Variants in ANK2 observed in about 807,000 individuals in gnomAD.
ANK2 encodes the protein ankyrin 2.
Under a neutral mutation model 360.5 loss-of-function variants are expected in ANK2, and 83 were observed. That is an observed-to-expected ratio of 0.23 (90% CI 0.19 to 0.28). The LOEUF (loss-of-function observed/expected upper bound fraction) is 0.28. Ranked by LOEUF, ANK2 falls within the 10% of genes least tolerant of loss-of-function variation. The pLI, the probability that ANK2 is intolerant of heterozygous loss-of-function variation, is 1.00. For missense variants in ANK2, 4,201 were observed against 4,795.7 expected (o/e 0.88, Z 3.66); for synonymous variants, 1,740 against 1,759.5 (o/e 0.99, Z 0.28).
intron 1 of ANK2, among the ~76,000 whole-genome samples, chr4:113,076,185 G>A (rs1409749285): frequency 6.6e-6 from 1 of 152,192 alleles, no homozygotes; most frequent in African/African-American, 2.4e-5. Flanking sequence ...ATAGTAACAC[G>A]AACGATAGTT....
At chr4:113,091,291 G>A (rs79564531) in intron 1 of ANK2, among the ~76,000 whole-genome samples, 1 of 152,128 alleles carries the variant, frequency 6.6e-6, no homozygotes, top group Admixed American at 6.5e-5. Flanking sequence ...ACAAAGAAAG[G>A]AGGACAATAA....
In ANK2 at chr4:113,253,341, C is replaced by T. The variant is rs569225538; in HGVS notation, c.991-2394C>T. Reference sequence around the variant, plus strand: ...AGTCTTTGTATCTTTTCTCTATCGGCACTCACTTACTATGAAATCTCATGC... The same window carrying T: ...AGTCTTTGTATCTTTTCTCTATCGGTACTCACTTACTATGAAATCTCATGC... On this transcript the variant is annotated intron_variant, in intron 10 of 45. Coordinates refer to ENST00000357077, the MANE Select transcript of ANK2 (RefSeq NM_001148.6). Among the ~76,000 whole-genome samples the T allele has an allele frequency of 3.9e-5, 6 of 152,262 alleles. No homozygotes were observed. In the East Asian group the frequency reaches 1.2e-3, roughly 29 times the overall value.
exon 1 of ANK2, chr4:112,818,116 G>A (rs921349209): frequency 6.6e-6 from 1 of 152,220 alleles, no homozygotes. Flanking sequence ...ATTACAGTCT[G>A]AGGCTGTAAT....
At chr4:112,991,619 C>CTT (rs35505334) in intron 2 of ANK2, among the ~76,000 whole-genome samples, 9,595 of 125,728 alleles carry the variant, frequency 0.076, 499 homozygotes, top group African/African-American at 0.13. Flanking sequence ...TTCTTTCTTT[C>CTT]TTTTTTTTTT....
chr4:113,197,714 T>G (rs2098769722), intron 3 of ANK2, among the ~76,000 whole-genome samples: 1 of 152,160 alleles, frequency 6.6e-6, no homozygotes, highest in Admixed American at 6.5e-5. Flanking sequence ...TAGCAGAAAT[T>G]AAAAAACAAA....
At chr4:112,739,118 G>A in the ANK2 span, 1 of 458,922 alleles carries the variant, frequency 2.2e-6, no homozygotes, top group Non-Finnish European at 4.1e-6. Flanking sequence ...TAGCTCATAT[G>A]CACGTTTTGT....
intron 1 of ANK2, among the ~76,000 whole-genome samples, chr4:113,173,015 A>T (rs2098044577): frequency 6.6e-6 from 1 of 152,236 alleles, no homozygotes; most frequent in Admixed American, 6.5e-5. Flanking sequence ...AAGGATGAAG[A>T]GTGAAGAACA....
the ANK2 span, among the ~76,000 whole-genome samples, chr4:112,716,960 G>A: frequency 6.6e-6 from 1 of 152,096 alleles, no homozygotes; most frequent in Non-Finnish European, 1.5e-5. Context: ...AGGAAGACCT[G>A]GGTGATTGTC....
chr4:113,108,009 A>C (rs916284343), intron 1 of ANK2, among the ~76,000 whole-genome samples: 5 of 152,210 alleles, frequency 3.3e-5, no homozygotes, highest in Non-Finnish European at 7.4e-5. Flanking sequence ...TGCGTAGTTT[A>C]AACATTTTAT....
At chr4:112,841,395 A>G (rs1181933209) in intron 1 of ANK2, among the ~76,000 whole-genome samples, 2 of 150,974 alleles carry the variant, frequency 1.3e-5, no homozygotes, top group African/African-American at 2.4e-5. Flanking sequence ...AACAAGGGAA[A>G]ATACATTTGA....
At chr4:112,864,246 C>G (rs2069323478) in intron 1 of ANK2, among the ~76,000 whole-genome samples, 1 of 152,234 alleles carries the variant, frequency 6.6e-6, no homozygotes, top group African/African-American at 2.4e-5. Flanking sequence ...AGTGCCATCT[C>G]TTATCACTAT....
chr4:112,757,174 G>A, the ANK2 span, among the ~76,000 whole-genome samples: 5 of 144,848 alleles, frequency 3.5e-5, no homozygotes, highest in Non-Finnish European at 6.0e-5. Context: ...GTGCAATGGC[G>A]CAATCTCGGC....
In ANK2 at chr4:113,358,620, T is replaced by C; in HGVS notation, c.10002T>C (p.Asp3334=). The C allele has an allele frequency of 6.2e-7, 1 of 1,613,284 alleles. No individual in the cohort carries two copies. The highest frequency in any genetic ancestry group is 8.5e-7 in the Non-Finnish European group (1 of 1,179,628). The change falls in exon 38 of 46, where the codon GAT becomes GAC. Residue 3334 remains aspartate, a synonymous_variant. Coordinates refer to ENST00000357077, the MANE Select transcript of ANK2 (RefSeq NM_001148.6). ...SVSEDFLSSV[D]EENKADEAKP... Reference sequence around the variant, plus strand: ...CTGAAGATTTTCTATCCAGTGTAGATGAGGAAAATAAGGCGGATGAAGCAA... The same window carrying C: ...CTGAAGATTTTCTATCCAGTGTAGACGAGGAAAATAAGGCGGATGAAGCAA...
chr4:113,033,629 T>G lies in ANK2; in HGVS notation c.21+129115T>G, dbSNP rs185860794. ...TGCGTGTGTGTGTGTGTATAAAGTA[T>G]CAAACTGCAAATTGGTCAGATGGAA... On this transcript the variant is annotated intron_variant, in intron 2 of 30. Transcript: ENST00000503271. Among the ~76,000 whole-genome samples, 9 of 152,020 alleles carry G rather than the reference T, an allele frequency of 5.9e-5. No homozygotes were observed. In the East Asian group the frequency reaches 1.4e-3, roughly 23 times the overall value.
intron 2 of ANK2, among the ~76,000 whole-genome samples, chr4:113,183,731 A>T (rs1035037301): frequency 6.6e-6 from 1 of 152,022 alleles, no homozygotes; most frequent in African/African-American, 2.4e-5. Context: ...AAATGTCTAG[A>T]ATGTGACCAT....
chr4:112,906,790 T>TGA (rs147898965), intron 2 of ANK2, among the ~76,000 whole-genome samples: 4 of 150,732 alleles, frequency 2.7e-5, no homozygotes, highest in Admixed American at 6.6e-5. Context: ...TTGTGGAGAA[T>TGA]GAGAGAGAGA....
chr4:112,848,526 C>T (rs957324160), intron 1 of ANK2, among the ~76,000 whole-genome samples: 7 of 152,212 alleles, frequency 4.6e-5, no homozygotes, highest in African/African-American at 1.7e-4. Flanking sequence ...TTCAAAATGT[C>T]AGTTCCTTCC....
chr4:113,374,969 C>CT, intron 45 of ANK2: 1 of 1,070,590 alleles, frequency 9.3e-7, no homozygotes, highest in South Asian at 2.6e-5. Flanking sequence ...CATCATTTGT[C>CT]TTTTTATGTG....
intron 14 of ANK2, among the ~76,000 whole-genome samples, chr4:113,272,483 C>T (rs1041491443): frequency 6.6e-6 from 1 of 152,140 alleles, no homozygotes; most frequent in Non-Finnish European, 1.5e-5. Context: ...AATAATTGGC[C>T]AAACCTCAAA....
Sources: allele counts gnomAD v4.1 joint callset (sites outside exome capture counted in the v4.1 genomes callset), GRCh38; gene constraint gnomAD v4.1.1; transcripts MANE v1.5; gene names NCBI Gene and HGNC (gene_info 2026-07-23, HGNC 2026-07-21).